AUTS2: variants seen among roughly 807,000 people sequenced by gnomAD.
AUTS2 encodes autism susceptibility gene 2 protein.
AUTS2 carries 17 observed loss-of-function variants against 112.4 expected under a neutral mutation model. The observed-to-expected ratio is 0.15, with a 90% CI of 0.10 to 0.23. The LOEUF (loss-of-function observed/expected upper bound fraction) is 0.23, where lower values mean the gene tolerates loss of function less well. Ranked by LOEUF, AUTS2 falls within the 10% of genes least tolerant of loss-of-function variation. AUTS2 has a pLI of 1.00. For missense variants in AUTS2, 1,510 were observed against 1,701.6 expected (o/e 0.89, Z 1.98); for synonymous variants, 751 against 702.7 (o/e 1.07, Z -1.09).
intron 1 of AUTS2, among the ~76,000 whole-genome samples, chr7:69,848,433 G>T (rs1272875640): frequency 6.6e-6 from 1 of 152,166 alleles, no homozygotes; most frequent in Non-Finnish European, 1.5e-5. Flanking sequence ...GTTTTACAAG[G>T]GAATTAAATG....
intron 2 of AUTS2, among the ~76,000 whole-genome samples, chr7:70,055,493 C>T (rs1484942649): frequency 6.6e-6 from 1 of 152,170 alleles, no homozygotes; most frequent in Non-Finnish European, 1.5e-5. Flanking sequence ...ATAATGACTA[C>T]CCATCTGTAA....
intron 4 of AUTS2, among the ~76,000 whole-genome samples, chr7:70,160,315 A>T (rs566234850): frequency 6.6e-6 from 1 of 152,144 alleles, no homozygotes; most frequent in Non-Finnish European, 1.5e-5. Context: ...TAGGATTTTG[A>T]TCACCTTCTT....
intron 1 of AUTS2, among the ~76,000 whole-genome samples, chr7:69,783,335 G>T (rs543023849): frequency 4.6e-5 from 7 of 151,956 alleles, no homozygotes; most frequent in Non-Finnish European, 8.8e-5. Flanking sequence ...ATTTTAGGAG[G>T]GGTTTCTACT....
intron 4 of AUTS2, among the ~76,000 whole-genome samples, chr7:70,231,750 AG>A (rs199890083): frequency 0.39 from 46,551 of 120,302 alleles, 7,452 homozygotes; most frequent in African/African-American, 0.47. Context: ...CCTAGATATG[AG>A]GTTTTTTTGT....
intron 5 of AUTS2, among the ~76,000 whole-genome samples, chr7:70,606,863 GAAAAAAA>G (rs35779844): frequency 1.1e-5 from 1 of 89,468 alleles, no homozygotes; most frequent in African/African-American, 4.4e-5. Context: ...TCTGTCTCAA[GAAAAAAA>G]AAAAAAAAAA....
chr7:70,730,633 G>T (rs74675246), intron 6 of AUTS2, among the ~76,000 whole-genome samples: 1 of 152,066 alleles, frequency 6.6e-6, no homozygotes, highest in Non-Finnish European at 1.5e-5. Flanking sequence ...GATATGCCAC[G>T]TTTTGTTTAT....
chr7:69,905,180 C>G (rs777585794), intron 2 of AUTS2, among the ~76,000 whole-genome samples: 9 of 152,138 alleles, frequency 5.9e-5, no homozygotes, highest in Non-Finnish European at 7.3e-5. Context: ...GCATAAACAT[C>G]ACTTAACTTC....
At chr7:70,168,824 A>C in intron 4 of AUTS2, among the ~76,000 whole-genome samples, 1 of 152,042 alleles carries the variant, frequency 6.6e-6, no homozygotes, top group East Asian at 1.9e-4. Flanking sequence ...AGGACTTTTT[A>C]TTTTTACTCC....
chr7:70,583,536 T>C (rs887987742), intron 5 of AUTS2, among the ~76,000 whole-genome samples: 1 of 152,204 alleles, frequency 6.6e-6, no homozygotes. Context: ...TAGTGATTCA[T>C]GGGTGTGAGG....
rs1440931862 is a variant in AUTS2, at chr7:70,133,825, C to T, written c.625-711C>T. Among the ~76,000 whole-genome samples the T allele has an allele frequency of 3.3e-5, 5 of 152,164 alleles. No homozygotes were observed. The East Asian group carries it at 9.6e-4, about 29-fold the overall frequency. On this transcript the variant is annotated intron_variant, in intron 3 of 18. Transcript: ENST00000342771. The stretch of plus-strand genomic sequence containing the variant: ...CTTTTCCCAAACAAGTGATGCCCTG[C>T]ATTCCTTTCAGAATTAACATTTTTA...
intron 1 of AUTS2, among the ~76,000 whole-genome samples, chr7:69,745,157 A>G (rs1011890765): frequency 6.6e-6 from 1 of 152,158 alleles, no homozygotes. Flanking sequence ...CGGCTGACCA[A>G]AAAACCACCT....
chr7:70,180,790 A>C (rs773855834), intron 4 of AUTS2, among the ~76,000 whole-genome samples: 2 of 152,098 alleles, frequency 1.3e-5, no homozygotes, highest in Non-Finnish European at 2.9e-5. Context: ...GCCCTTTCTC[A>C]GTCTACTTTA....
intron 5 of AUTS2, among the ~76,000 whole-genome samples, chr7:70,659,063 C>T (rs1806926420): frequency 6.6e-6 from 1 of 152,174 alleles, no homozygotes; most frequent in South Asian, 2.1e-4. Flanking sequence ...CCCTGGCGGG[C>T]CACGGGGGTT....
intron 1 of AUTS2, among the ~76,000 whole-genome samples, chr7:69,795,721 T>G (rs1789812827): frequency 6.6e-6 from 1 of 152,140 alleles, no homozygotes; most frequent in South Asian, 2.1e-4. Context: ...AATAGGAAAT[T>G]AATTAGTAAT....
rs145896613 is a variant in AUTS2, at chr7:69,692,192, C to T, written c.309+92230C>T. Among the ~76,000 whole-genome samples the T allele has an allele frequency of 9.5e-4, 144 of 152,278 alleles. 2 individuals are homozygous for T. In the East Asian group the frequency reaches 0.025, roughly 27 times the overall value. On this transcript the variant is annotated intron_variant, in intron 1 of 18. Coordinates refer to ENST00000342771, the MANE Select transcript of AUTS2 (RefSeq NM_015570.4). ...ACCCCTGGCATTCCAAGTGCCATTC[C>T]AAGTCTGTAGAGATAATAGAACAAA...
chr7:69,844,900 T>G (rs1792128646), intron 1 of AUTS2, among the ~76,000 whole-genome samples: 1 of 152,194 alleles, frequency 6.6e-6, no homozygotes, highest in Non-Finnish European at 1.5e-5. Context: ...TAAAATTATT[T>G]AAATTTCTAA....
At chr7:69,687,693 C>G (rs1391827111) in intron 1 of AUTS2, among the ~76,000 whole-genome samples, 1 of 152,130 alleles carries the variant, frequency 6.6e-6, no homozygotes, top group African/African-American at 2.4e-5. Context: ...TGACCTTTCT[C>G]TCTCTTTCTT....
intron 5 of AUTS2, among the ~76,000 whole-genome samples, chr7:70,671,095 C>G (rs1196290726): frequency 6.6e-6 from 1 of 152,174 alleles, no homozygotes; most frequent in African/African-American, 2.4e-5. Flanking sequence ...TTGCTTGAAC[C>G]TGGTGGGGGG....
chr7:69,608,980 C>T (rs889668252), intron 1 of AUTS2, among the ~76,000 whole-genome samples: 1 of 152,140 alleles, frequency 6.6e-6, no homozygotes, highest in African/African-American at 2.4e-5. Flanking sequence ...TTCATAGCAG[C>T]CTTTTGATCC....
Sources: gnomAD v4.1 joint callset for allele counts (sites outside exome capture counted in the v4.1 genomes callset) on GRCh38, gnomAD v4.1.1 for gene constraint, MANE v1.5 for transcripts, NCBI Gene and HGNC (gene_info 2026-07-23, HGNC 2026-07-21) for gene names.